ENAH: variants seen among roughly 807,000 people sequenced by gnomAD.
ENAH encodes ENAH actin regulator, also known as protein enabled homolog.
A neutral mutation model predicts 78.7 loss-of-function variants in ENAH; 23 were observed. The ratio of observed to expected loss-of-function variants is 0.29; its 90% confidence interval spans 0.21 to 0.41. The LOEUF is 0.41. Among genes scored for constraint, ENAH ranks in the 10% least tolerant of loss-of-function variants. ENAH has a pLI of 1.00. For missense variants in ENAH, 544 were observed against 691.0 expected (o/e 0.79, Z 2.39); for synonymous variants, 226 against 241.0 (o/e 0.94, Z 0.58).
chr1:225,612,160 G>A (rs770364669), intron 1 of ENAH, among the ~76,000 whole-genome samples: 3 of 152,162 alleles, frequency 2.0e-5, no homozygotes, highest in Non-Finnish European at 2.9e-5. Context: ...ATTCACAAGA[G>A]CTAAATGGTG....
intron 7 of ENAH, among the ~76,000 whole-genome samples, chr1:225,513,587 T>C (rs1575352725): frequency 6.6e-6 from 1 of 152,226 alleles, no homozygotes; most frequent in East Asian, 1.9e-4. Context: ...TTTTGATAAT[T>C]ATATTACTGG....
chr1:225,637,240 C>T (rs939068096), intron 1 of ENAH, among the ~76,000 whole-genome samples: 1 of 152,108 alleles, frequency 6.6e-6, no homozygotes, highest in Non-Finnish European at 1.5e-5. Context: ...CAGGGTCTCA[C>T]TCTGTCGCCC....
At chr1:225,553,109 C>T (rs955968403) in intron 3 of ENAH, among the ~76,000 whole-genome samples, 2 of 151,992 alleles carry the variant, frequency 1.3e-5, no homozygotes, top group African/African-American at 2.4e-5. Context: ...TGGTGAGCAC[C>T]GGTAATCCCA....
intron 3 of ENAH, among the ~76,000 whole-genome samples, chr1:225,536,689 A>C (rs1299124344): frequency 2.0e-5 from 3 of 152,082 alleles, no homozygotes; most frequent in Non-Finnish European, 4.4e-5. Context: ...CACACATCTA[A>C]AAATGGTAAT....
chr1:225,637,435 G>A (rs1660263257), intron 1 of ENAH, among the ~76,000 whole-genome samples: 1 of 152,152 alleles, frequency 6.6e-6, no homozygotes, highest in African/African-American at 2.4e-5. Context: ...TAGAACTCCT[G>A]GCCTCAAATG....
In ENAH at chr1:225,493,080, TTTTC is replaced by T. The variant is rs1308522792; in HGVS notation, c.*4691_*4694del. ...TAAATTTACTGCATTAATATTTTAC[TTTTC>T]TTTCTAATCAATTTTAGGTTTTAAT... On this transcript the variant is annotated 3_prime_UTR_variant, in exon 14 of 14. Coordinates refer to ENST00000366843, the MANE Select transcript of ENAH (RefSeq NM_018212.6). 1 of 152,226 alleles carries T rather than the reference TTTTC, an allele frequency of 6.6e-6. No individual in the cohort carries two copies. The allele number at this position is 152,226 out of a possible 1,614,324, so 9.4% of individuals were successfully genotyped here.
intron 3 of ENAH, among the ~76,000 whole-genome samples, chr1:225,546,026 T>C (rs1421327122): frequency 4.7e-5 from 7 of 150,430 alleles, no homozygotes. Context: ...CAGGCTCAAG[T>C]GATCCTCCTG....
intron 1 of ENAH, among the ~76,000 whole-genome samples, chr1:225,599,146 C>A (rs1371070979): frequency 1.3e-5 from 2 of 151,996 alleles, no homozygotes; most frequent in African/African-American, 4.8e-5. Context: ...AACAATGAAA[C>A]AAATCCAAAA....
chr1:225,642,772 A>G (rs938045553), intron 1 of ENAH, among the ~76,000 whole-genome samples: 3 of 152,232 alleles, frequency 2.0e-5, no homozygotes, highest in Non-Finnish European at 2.9e-5. Context: ...AAAACTACAC[A>G]TCTCATTGGG....
At chr1:225,625,399 G>A (rs895459979) in intron 1 of ENAH, among the ~76,000 whole-genome samples, 1 of 152,142 alleles carries the variant, frequency 6.6e-6, no homozygotes, top group Non-Finnish European at 1.5e-5. Flanking sequence ...AATATCTTAA[G>A]ACATAGTTGA....
At chr1:225,602,766 A>C (rs998425671) in intron 1 of ENAH, among the ~76,000 whole-genome samples, 1 of 152,102 alleles carries the variant, frequency 6.6e-6, no homozygotes, top group Non-Finnish European at 1.5e-5. Context: ...ATTTGAAAAG[A>C]AAGAGAGAAA....
chr1:225,602,644 A>G (rs1316891584), intron 1 of ENAH, among the ~76,000 whole-genome samples: 1 of 152,136 alleles, frequency 6.6e-6, no homozygotes, highest in Non-Finnish European at 1.5e-5. Flanking sequence ...TCAAAAACGT[A>G]TAACAAATAT....
chr1:225,631,575 C>CAAAA (rs397939130), intron 1 of ENAH, among the ~76,000 whole-genome samples: 3,865 of 71,232 alleles, frequency 0.054, 73 homozygotes, highest in South Asian at 0.11. Flanking sequence ...CACCATCTCT[C>CAAAA]AAAAAAAAAA....
At chr1:225,575,319 C>T (rs1261841959) in intron 1 of ENAH, among the ~76,000 whole-genome samples, 1 of 152,188 alleles carries the variant, frequency 6.6e-6, no homozygotes, top group Non-Finnish European at 1.5e-5. Flanking sequence ...TCTTATTCTT[C>T]CCTCTCAATG....
At chr1:225,564,454 A>ATTT (rs71170093) in intron 2 of ENAH, among the ~76,000 whole-genome samples, 14 of 122,424 alleles carry the variant, frequency 1.1e-4, no homozygotes, top group Admixed American at 2.5e-4. Flanking sequence ...ATGCCCGACT[A>ATTT]TTTTTTTTTT....
chr1:225,579,714 C>T (rs376994934), intron 1 of ENAH, among the ~76,000 whole-genome samples: 7 of 152,104 alleles, frequency 4.6e-5, no homozygotes, highest in African/African-American at 9.7e-5. Flanking sequence ...CATTACAGGA[C>T]GCACATGAAC....
intron 7 of ENAH, 97 bp from the exon 8 acceptor site, chr1:225,513,113 A>T: frequency 8.9e-7 from 1 of 1,129,358 alleles, no homozygotes; most frequent in Non-Finnish European, 1.2e-6. Flanking sequence ...ATCAGCATTA[A>T]TTTTAAAAAA....
chr1:225,557,599 T>G (rs2096673316), intron 2 of ENAH, among the ~76,000 whole-genome samples: 1 of 152,208 alleles, frequency 6.6e-6, no homozygotes, highest in Admixed American at 6.5e-5. Flanking sequence ...GGCAGGTGGA[T>G]CACTTGACGT....
intron 1 of ENAH, among the ~76,000 whole-genome samples, chr1:225,639,865 G>A (rs1323371281): frequency 6.6e-6 from 1 of 152,082 alleles, no homozygotes; most frequent in Admixed American, 6.5e-5. Flanking sequence ...AAATGTACCC[G>A]TGTCCTCAAA....
Sources: gnomAD v4.1 joint callset for allele counts (sites outside exome capture counted in the v4.1 genomes callset) on GRCh38, gnomAD v4.1.1 for gene constraint, MANE v1.5 for transcripts, NCBI Gene and HGNC (gene_info 2026-07-23, HGNC 2026-07-21) for gene names.